The following TTBK2 variants were observed in gnomAD, a reference collection of about 807,000 sequenced individuals.
The protein encoded by TTBK2 is tau tubulin kinase 2, also known as tau-tubulin kinase 2.
In TTBK2, 28 loss-of-function variants were observed where a neutral mutation model predicts 110.8. That is an observed-to-expected ratio of 0.25 (90% CI 0.19 to 0.35). The LOEUF (loss-of-function observed/expected upper bound fraction) is 0.35, where lower values mean the gene tolerates loss of function less well. Among genes scored for constraint, TTBK2 ranks in the 10% least tolerant of loss-of-function variants. TTBK2 has a pLI of 1.00. For synonymous variants in TTBK2, 532 were observed against 527.3 expected (o/e 1.01, Z -0.12); for missense variants, 1,369 against 1,500.3 (o/e 0.91, Z 1.45).
chr15:42,876,207 C>A (rs1343524994), intron 2 of TTBK2, among the ~76,000 whole-genome samples: 1 of 152,048 alleles, frequency 6.6e-6, no homozygotes, highest in East Asian at 1.9e-4. Context: ...TGTTATATAA[C>A]AATAAATAAC....
chr15:42,763,129 T>C (rs1567008543), intron 13 of TTBK2, among the ~76,000 whole-genome samples: 2 of 98,214 alleles, frequency 2.0e-5, no homozygotes, highest in African/African-American at 1.0e-4. Context: ...CACATATATA[T>C]ACATATATAC....
chr15:42,838,425 A>G (rs1358134953), intron 4 of TTBK2, among the ~76,000 whole-genome samples: 1 of 151,624 alleles, frequency 6.6e-6, no homozygotes, highest in East Asian at 1.9e-4. Flanking sequence ...AAAAATAGAA[A>G]GGTTTCCCTC....
At chr15:42,818,598 T>C (rs538023877) in intron 6 of TTBK2, among the ~76,000 whole-genome samples, 4 of 151,836 alleles carry the variant, frequency 2.6e-5, no homozygotes, top group African/African-American at 9.7e-5. Flanking sequence ...CAGGTGCCTG[T>C]AGTCCCAGCT....
chr15:42,901,238 T>G (rs1368706459), intron 1 of TTBK2, among the ~76,000 whole-genome samples: 1 of 151,920 alleles, frequency 6.6e-6, no homozygotes, highest in Non-Finnish European at 1.5e-5. Flanking sequence ...GGTGCATGCC[T>G]GTAATCCCAG....
At chr15:42,764,753 G>A (rs1889276593) in intron 13 of TTBK2, among the ~76,000 whole-genome samples, 1 of 152,248 alleles carries the variant, frequency 6.6e-6, no homozygotes, top group South Asian at 2.1e-4. Flanking sequence ...GAAGAGAGCA[G>A]TGCTTCTCCC....
intron 4 of TTBK2, among the ~76,000 whole-genome samples, chr15:42,835,474 G>C (rs2141001583): frequency 6.6e-6 from 1 of 152,324 alleles, no homozygotes; most frequent in East Asian, 1.9e-4. Flanking sequence ...ATGTGTGCAT[G>C]TCAAATTCCT....
intron 3 of TTBK2, among the ~76,000 whole-genome samples, chr15:42,844,469 G>A (rs1893365464): frequency 6.6e-6 from 1 of 152,200 alleles, no homozygotes; most frequent in Non-Finnish European, 1.5e-5. Flanking sequence ...TGCAGTGGAA[G>A]GCTCAGTTGA....
intron 14 of TTBK2, among the ~76,000 whole-genome samples, chr15:42,746,599 C>T (rs1008000572): frequency 1.3e-5 from 2 of 152,226 alleles, no homozygotes; most frequent in Non-Finnish European, 2.9e-5. Context: ...ATGAATTTAA[C>T]TAGCATGTTA....
chr15:42,775,020 G>A (rs1889837600), intron 13 of TTBK2, 115 bp downstream of exon 13: 3 of 1,099,018 alleles, frequency 2.7e-6, no homozygotes, highest in African/African-American at 1.5e-5. Context: ...CACTCCCTGG[G>A]CCATCTGCAA....
At chr15:42,829,070 C>T (rs894546662) in intron 5 of TTBK2, among the ~76,000 whole-genome samples, 1 of 152,156 alleles carries the variant, frequency 6.6e-6, no homozygotes, top group Non-Finnish European at 1.5e-5. Context: ...GACTCTACTA[C>T]GTTAAATTTA....
In TTBK2 at chr15:42,816,085, A is replaced by AATATAAATAT. The variant is rs1555427671; in HGVS notation, c.603+946_603+947insATATTTATAT. Among the ~76,000 whole-genome samples, 10 of 67,448 alleles carry AATATAAATAT rather than the reference A, an allele frequency of 1.5e-4. No individual in the cohort carries two copies. In the East Asian group the frequency reaches 4.5e-3, roughly 30 times the overall value. The allele number at this position is 67,448 out of a possible 152,430, so 44.2% of individuals were successfully genotyped here. On this transcript the variant is annotated intron_variant, in intron 7 of 14. Coordinates refer to ENST00000267890, the MANE Select transcript of TTBK2 (RefSeq NM_173500.4). ...ATATATATATAAAAATAAATAAATA[A>AATATAAATAT]ATATATATATATATATATATATATA...
intron 1 of TTBK2, among the ~76,000 whole-genome samples, chr15:42,915,851 G>C (rs191953498): frequency 6.6e-5 from 10 of 152,210 alleles, no homozygotes; most frequent in African/African-American, 1.7e-4. Flanking sequence ...GGAGGCTAAG[G>C]GGGGAGGACT....
At chr15:42,764,396 C>G (rs1889256172) in intron 13 of TTBK2, among the ~76,000 whole-genome samples, 1 of 152,278 alleles carries the variant, frequency 6.6e-6, no homozygotes, top group Non-Finnish European at 1.5e-5. Flanking sequence ...ATGGGACACT[C>G]TCGCCCAAAT....
intron 3 of TTBK2, among the ~76,000 whole-genome samples, chr15:42,863,735 A>G (rs917076515): frequency 6.6e-6 from 1 of 152,246 alleles, no homozygotes; most frequent in Non-Finnish European, 1.5e-5. Context: ...AAACAGACAC[A>G]CAGACCAATG....
intron 9 of TTBK2, among the ~76,000 whole-genome samples, chr15:42,795,660 T>C (rs1004516927): frequency 6.6e-6 from 1 of 151,966 alleles, no homozygotes; most frequent in African/African-American, 2.4e-5. Flanking sequence ...CTGGCGAACA[T>C]GGTGAAACCC....
At chr15:42,832,336 T>G (rs965463724) in intron 4 of TTBK2, among the ~76,000 whole-genome samples, 1 of 152,218 alleles carries the variant, frequency 6.6e-6, no homozygotes. Flanking sequence ...ATTTTATTTA[T>G]GACATTAGTA....
chr15:42,815,958 A>AAAATATATATATATATATAT (rs71108183), intron 7 of TTBK2, among the ~76,000 whole-genome samples: 39 of 91,690 alleles, frequency 4.3e-4, no homozygotes, highest in Middle Eastern at 5.7e-3. Context: ...TTAAAAAAAA[A>AAAATATATATATATATATAT]ATATATATAT....
chr15:42,887,711 G>C (rs1895301563), intron 1 of TTBK2, among the ~76,000 whole-genome samples: 1 of 152,010 alleles, frequency 6.6e-6, no homozygotes, highest in Non-Finnish European at 1.5e-5. Flanking sequence ...CCATTATTCT[G>C]TTCTAGATCT....
intron 9 of TTBK2, 87 bp from the exon 10 acceptor site, chr15:42,794,888 A>G (rs753041966): frequency 3.2e-6 from 5 of 1,550,716 alleles, no homozygotes; most frequent in Middle Eastern, 4.4e-4. Flanking sequence ...GACTCATAAA[A>G]TGATTTTGTA....
Sources: gnomAD v4.1 joint callset for allele counts (sites outside exome capture counted in the v4.1 genomes callset) on GRCh38, gnomAD v4.1.1 for gene constraint, MANE v1.5 for transcripts, NCBI Gene and HGNC (gene_info 2026-07-23, HGNC 2026-07-21) for gene names.